CPNE4: variants seen among roughly 807,000 people sequenced by gnomAD.
CPNE4 encodes the protein copine-4.
In CPNE4, 25 loss-of-function variants were observed where a neutral mutation model predicts 67.9. The ratio of observed to expected loss-of-function variants is 0.37; its 90% CI spans 0.27 to 0.51. The LOEUF (loss-of-function observed/expected upper bound fraction) is 0.51. Among genes scored for constraint, CPNE4 ranks in the 20% least tolerant of loss-of-function variants. CPNE4 has a pLI of 0.93. For synonymous variants in CPNE4, 242 were observed against 244.9 expected, an observed-to-expected ratio of 0.99 and a Z score of 0.11; for missense variants, 464 against 690.8, an observed-to-expected ratio of 0.67 and a Z score of 3.68.
chr3:131,688,353 T>A (rs2080946065), intron 5 of CPNE4, among the ~76,000 whole-genome samples: 1 of 152,170 alleles, frequency 6.6e-6, no homozygotes, highest in Admixed American at 6.5e-5. Context: ...TTCATCATAA[T>A]CTTGCCCTTC....
Position 131,897,201 on chromosome 3 carries a change from A to C in CPNE4, c.180+8063T>G, listed in dbSNP as rs149009192. Among the ~76,000 whole-genome samples the C allele has an allele frequency of 2.6e-4, 39 of 152,152 alleles. No individual in the cohort carries two copies. In the East Asian group the frequency reaches 6.8e-3, roughly 26 times the overall value. Reference sequence around the variant, plus strand: ...GGATGAGAGAGGTGCAGTGTCATGAAGACAACATGGGTATTGGAGACACAA... The same window carrying C: ...GGATGAGAGAGGTGCAGTGTCATGACGACAACATGGGTATTGGAGACACAA... On this transcript the variant is annotated intron_variant, in intron 2 of 15. Coordinates refer to ENST00000429747, the MANE Select transcript of CPNE4 (RefSeq NM_130808.3).
chr3:131,742,497 G>T (rs1304841882), intron 2 of CPNE4, among the ~76,000 whole-genome samples: 1 of 152,052 alleles, frequency 6.6e-6, no homozygotes, highest in Non-Finnish European at 1.5e-5. Context: ...GTGCATGTAT[G>T]TGTATTCATA....
chr3:131,706,069 G>C (rs368810024), intron 3 of CPNE4, among the ~76,000 whole-genome samples: 1 of 152,126 alleles, frequency 6.6e-6, no homozygotes, highest in African/African-American at 2.4e-5. Flanking sequence ...GCATTTTGTC[G>C]GGTCAAGGGC....
intron 7 of CPNE4, among the ~76,000 whole-genome samples, chr3:131,657,857 C>A (rs1232352296): frequency 2.0e-5 from 3 of 151,954 alleles, no homozygotes; most frequent in Non-Finnish European, 4.4e-5. Context: ...AGATACCGTG[C>A]CCGGCCGAAT....
At position 132,005,342 on chromosome 3, in the gene CPNE4, TACACACACACACACACACACAC is replaced by T. The variant is rs71639016; in HGVS notation, c.-2+29203_-2+29224del. Among the ~76,000 whole-genome samples, 439 of 85,844 alleles carry T rather than the reference TACACACACACACACACACACAC, an allele frequency of 5.1e-3. 6 individuals are homozygous for T. Among genetic ancestry groups the T allele is most frequent in the Middle Eastern group, 0.026 (4 of 152 alleles). 56.3% of individuals were successfully genotyped at this position (85,844 alleles called of 152,430 possible). A position where few individuals can be genotyped will look rare whatever the true frequency, so the allele number is the denominator to read the frequency against. On this transcript the variant is annotated intron_variant, in intron 1 of 15. Transcript: ENST00000429747. ...ATATATATATATATATATATATATA[TACACACACACACACACACACAC>T]ACACACACATATATGTTTATATTTC...
At chr3:132,005,325 A>ATG (rs2073562819) in intron 1 of CPNE4, among the ~76,000 whole-genome samples, 1 of 22,380 alleles carries the variant, frequency 4.5e-5, no homozygotes, top group Non-Finnish European at 2.3e-4. Flanking sequence ...ATATATATAT[A>ATG]TATATATATA....
At chr3:131,997,987 C>G (rs1275333221) in intron 1 of CPNE4, among the ~76,000 whole-genome samples, 2 of 152,108 alleles carry the variant, frequency 1.3e-5, no homozygotes, top group African/African-American at 4.8e-5. Flanking sequence ...ACTTCATCAC[C>G]TCTTCTTAGG....
intron 1 of CPNE4, among the ~76,000 whole-genome samples, chr3:131,970,879 C>G (rs889988857): frequency 6.6e-5 from 10 of 152,142 alleles, no homozygotes; most frequent in Non-Finnish European, 1.3e-4. Flanking sequence ...GCAGCATTTC[C>G]CAATTATCTG....
chr3:131,760,094 C>A (rs1410792615), intron 2 of CPNE4, among the ~76,000 whole-genome samples: 2 of 152,086 alleles, frequency 1.3e-5, no homozygotes, highest in Non-Finnish European at 2.9e-5. Flanking sequence ...TGTCAGAGTA[C>A]AAATAGTGTG....
chr3:131,584,507 A>G (rs1246057832), intron 8 of CPNE4, among the ~76,000 whole-genome samples: 1 of 152,108 alleles, frequency 6.6e-6, no homozygotes, highest in African/African-American at 2.4e-5. Flanking sequence ...AAGTCTCTCC[A>G]ATTTATCTAT....
chr3:131,801,501 T>G (rs1232409582), intron 2 of CPNE4, among the ~76,000 whole-genome samples: 3 of 138,270 alleles, frequency 2.2e-5, no homozygotes, highest in Non-Finnish European at 4.6e-5. Flanking sequence ...AAGAGTTGAA[T>G]CTATACGATT....
At position 131,889,804 on chromosome 3, in the gene CPNE4, C is replaced by A. The variant is rs1409639396; in HGVS notation, c.180+15460G>T. ...TATGTGTTGTCACATTTACAGTTAG[C>A]TGATCTTCGATAAGGGTGCCAAGGA... On this transcript the variant is annotated intron_variant, in intron 2 of 15. Transcript: ENST00000429747. Among the ~76,000 whole-genome samples, 3 of 152,152 alleles carry A rather than the reference C, an allele frequency of 2.0e-5. No individual in the cohort carries two copies. In the South Asian group the frequency reaches 6.2e-4, roughly 32 times the overall value.
At chr3:131,742,581 CT>C (rs2082385586) in intron 2 of CPNE4, among the ~76,000 whole-genome samples, 1 of 152,040 alleles carries the variant, frequency 6.6e-6, no homozygotes, top group Non-Finnish European at 1.5e-5. Context: ...GGAGACTGCA[CT>C]TTTTTCTCTT....
intron 1 of CPNE4, among the ~76,000 whole-genome samples, chr3:132,028,413 T>A (rs1460738837): frequency 6.6e-6 from 1 of 152,192 alleles, no homozygotes; most frequent in African/African-American, 2.4e-5. Context: ...CTCAAGTTTT[T>A]ATGTTTATCC....
chr3:131,557,506 A>C (rs557375855), intron 11 of CPNE4, among the ~76,000 whole-genome samples: 1 of 152,166 alleles, frequency 6.6e-6, no homozygotes, highest in South Asian at 2.1e-4. Context: ...AATTGTATCA[A>C]ATTTGGGGTT....
At chr3:131,867,282 C>G (rs1427177354) in intron 2 of CPNE4, among the ~76,000 whole-genome samples, 1 of 151,968 alleles carries the variant, frequency 6.6e-6, no homozygotes, top group Non-Finnish European at 1.5e-5. Flanking sequence ...CGGAGCAGGT[C>G]AGAAAAGCTA....
At chr3:131,906,137 C>T (rs1209563809) in intron 1 of CPNE4, among the ~76,000 whole-genome samples, 2 of 151,414 alleles carry the variant, frequency 1.3e-5, no homozygotes, top group African/African-American at 4.8e-5. Context: ...GTGGAAACAG[C>T]AGCTACATTT....
chr3:131,540,336 A>G (rs1935409933), intron 15 of CPNE4, among the ~76,000 whole-genome samples: 3 of 152,214 alleles, frequency 2.0e-5, no homozygotes, highest in Admixed American at 2.0e-4. Flanking sequence ...TGGAATGTGC[A>G]GTTACTTCCC....
rs1231736636 is a variant in CPNE4 at position 131,914,605 on chromosome 3, TG to T, written c.-1-9162del. The stretch of plus-strand genomic sequence containing the variant: ...TACAAACACTGACTTCCCAAGAGGT[TG>T]GGAAAAGGAGAAAAGCTGTATATAT... On this transcript the variant is annotated intron_variant, in intron 1 of 15. Transcript: ENST00000429747. Among the ~76,000 whole-genome samples, 36 of 150,656 alleles carry T rather than the reference TG, an allele frequency of 2.4e-4. 1 individual carries two copies. In the Admixed American group the frequency reaches 2.4e-3, roughly 10 times the overall value.
Sources: allele counts gnomAD v4.1 joint callset (sites outside exome capture counted in the v4.1 genomes callset), GRCh38; gene constraint gnomAD v4.1.1; transcripts MANE v1.5; gene names NCBI Gene and HGNC (gene_info 2026-07-23, HGNC 2026-07-21).